Variants in GBE1 observed in about 807,000 individuals in gnomAD.
GBE1 encodes the protein 1,4-alpha-glucan branching enzyme 1, also known as 1,4-alpha-glucan-branching enzyme.
Under a neutral mutation model 88.8 loss-of-function variants are expected in GBE1, and 70 were observed. The observed-to-expected ratio is 0.79, with a 90% CI of 0.65 to 0.96. The LOEUF is 0.96. Ranked by LOEUF, GBE1 falls within the 40% of genes least tolerant of loss-of-function variation. GBE1 has a pLI of 0.00. For synonymous variants in GBE1, 284 were observed against 300.1 expected, an observed-to-expected ratio of 0.95 and a Z score of 0.56; for missense variants, 872 against 871.0, an observed-to-expected ratio of 1.00 and a Z score of -0.01.
intron 12 of GBE1, among the ~76,000 whole-genome samples, chr3:81,553,947 A>C (rs1039049703): frequency 6.6e-6 from 1 of 152,160 alleles, no homozygotes; most frequent in Admixed American, 6.5e-5. Context: ...AAAATAAATA[A>C]TAAAAATATA....
intron 1 of GBE1, among the ~76,000 whole-genome samples, chr3:81,712,538 T>A (rs1486890355): frequency 1.3e-5 from 2 of 151,272 alleles, no homozygotes; most frequent in Non-Finnish European, 2.9e-5. Flanking sequence ...CTCAGCAAAC[T>A]ATCACAAGGA....
intron 10 of GBE1, among the ~76,000 whole-genome samples, chr3:81,582,447 T>C (rs1703745040): frequency 6.6e-6 from 1 of 152,172 alleles, no homozygotes; most frequent in Non-Finnish European, 1.5e-5. Context: ...CAGCCCTGTT[T>C]ACACTTTGAT....
rs547810234 is a variant in GBE1, at chr3:81,712,794, TAATAAA to T, written c.144-7187_144-7182del. Among the ~76,000 whole-genome samples, 1,373 of 151,482 alleles carry T rather than the reference TAATAAA, an allele frequency of 9.1e-3. 22 individuals are homozygous for T. The highest frequency in any genetic ancestry group is 0.031 in the African/African-American group (1,288 of 41,092). On this transcript the variant is annotated intron_variant, in intron 1 of 15. Coordinates refer to ENST00000429644, the MANE Select transcript of GBE1 (RefSeq NM_000158.4). ...CACATATACCCTAGAACTTAAAGTA[TAATAAA>T]AATAAATAAATAAATAAATAAATAA...
At chr3:81,498,623 G>C (rs1702545669) in intron 15 of GBE1, among the ~76,000 whole-genome samples, 1 of 152,074 alleles carries the variant, frequency 6.6e-6, no homozygotes, top group South Asian at 2.1e-4. Flanking sequence ...TTTATAACTA[G>C]AATGAATTCA....
intron 14 of GBE1, among the ~76,000 whole-genome samples, chr3:81,501,879 C>T (rs1452515119): frequency 1.3e-5 from 2 of 150,692 alleles, no homozygotes; most frequent in Admixed American, 1.3e-4. Context: ...TTATATTTTT[C>T]GTAGAGATGG....
At chr3:81,653,991 T>C (rs1421106675) in intron 3 of GBE1, among the ~76,000 whole-genome samples, 1 of 152,132 alleles carries the variant, frequency 6.6e-6, no homozygotes, top group Non-Finnish European at 1.5e-5. Context: ...GGTGTACATC[T>C]TGCGTACCTT....
At chr3:81,592,212 T>C (rs1297827210) in intron 8 of GBE1, among the ~76,000 whole-genome samples, 1 of 152,074 alleles carries the variant, frequency 6.6e-6, no homozygotes, top group African/African-American at 2.4e-5. Flanking sequence ...AGTAATATTA[T>C]TAACTATAGT....
At chr3:81,594,486 A>G (rs945965909) in intron 7 of GBE1, among the ~76,000 whole-genome samples, 1 of 152,202 alleles carries the variant, frequency 6.6e-6, no homozygotes. Flanking sequence ...TTTCATTATC[A>G]GTAGAAAAAG....
intron 7 of GBE1, chr3:81,612,220 T>TAA (rs11404629): frequency 0.064 from 15,209 of 237,774 alleles, 198 homozygotes; most frequent in African/African-American, 0.095. Flanking sequence ...CACGCTCCTT[T>TAA]AAAAAAAAAA....
Position 81,490,012 on chromosome 3 carries a change from T to C in GBE1, c.*395A>G, listed in dbSNP as rs138608612. On this transcript the variant is annotated 3_prime_UTR_variant, in exon 16 of 16. Transcript: ENST00000429644. ...TTAGACCAAAAGATATCAGAACAAA[T>C]AGAGCCACCAAATATCCATCTTAAA... 8.3e-5 allele frequency: 14 copies of C among 168,886 alleles called. No individual in the cohort carries two copies. The East Asian group carries it at 2.5e-3, about 31-fold the overall frequency. The allele number at this position is 168,886 out of a possible 1,614,324, so 10.5% of individuals were successfully genotyped here.
At chr3:81,706,437 A>G (rs1006827288) in intron 1 of GBE1, among the ~76,000 whole-genome samples, 1 of 152,162 alleles carries the variant, frequency 6.6e-6, no homozygotes, top group African/African-American at 2.4e-5. Flanking sequence ...CCCTATATCC[A>G]GTAAGAAACA....
chr3:81,702,248 T>C (rs563860345), intron 2 of GBE1, among the ~76,000 whole-genome samples: 242 of 151,692 alleles, frequency 1.6e-3, no homozygotes, highest in Non-Finnish European at 2.6e-3. Context: ...AAAGTCATAC[T>C]GACCCACGTG....
At chr3:81,569,906 C>T (rs1466540531) in intron 12 of GBE1, among the ~76,000 whole-genome samples, 1 of 152,030 alleles carries the variant, frequency 6.6e-6, no homozygotes, top group African/African-American at 2.4e-5. Flanking sequence ...CCTCCACCTC[C>T]CAGGTTCAAG....
intron 15 of GBE1, among the ~76,000 whole-genome samples, chr3:81,491,238 T>C (rs1702432228): frequency 6.6e-6 from 1 of 152,216 alleles, no homozygotes; most frequent in African/African-American, 2.4e-5. Flanking sequence ...CAACCCTAGA[T>C]ATGATAAGTT....
intron 1 of GBE1, among the ~76,000 whole-genome samples, chr3:81,736,360 A>T (rs1456301407): frequency 6.6e-6 from 1 of 152,218 alleles, no homozygotes; most frequent in Non-Finnish European, 1.5e-5. Flanking sequence ...TCAAATAACC[A>T]GGCAAATTGC....
At chr3:81,497,450 A>G (rs7627081) in intron 15 of GBE1, among the ~76,000 whole-genome samples, 24,313 of 152,130 alleles carry the variant, frequency 0.16, 2,028 homozygotes, top group Non-Finnish European at 0.2. Flanking sequence ...CTTCCTAAGA[A>G]TCTCTTGCTG....
intron 7 of GBE1, among the ~76,000 whole-genome samples, chr3:81,623,063 C>A (rs955613779): frequency 3.3e-5 from 5 of 152,134 alleles, no homozygotes; most frequent in African/African-American, 1.2e-4. Context: ...CTGATCCAAA[C>A]CTTTTAAAAG....
At chr3:81,659,165 A>G (rs1362976228) in intron 3 of GBE1, among the ~76,000 whole-genome samples, 1 of 152,140 alleles carries the variant, frequency 6.6e-6, no homozygotes, top group African/African-American at 2.4e-5. Context: ...GCCAATAAAA[A>G]AAAATCTAAG....
At chr3:81,577,888 T>C in intron 12 of GBE1, 37 bp downstream of exon 12, 1 of 1,521,964 alleles carries the variant, frequency 6.6e-7, no homozygotes, top group Non-Finnish European at 8.8e-7. Context: ...GTTAACATTT[T>C]AAACACAAAT....
Sources: gnomAD v4.1 joint callset for allele counts (sites outside exome capture counted in the v4.1 genomes callset) on GRCh38, gnomAD v4.1.1 for gene constraint, MANE v1.5 for transcripts, NCBI Gene and HGNC (gene_info 2026-07-23, HGNC 2026-07-21) for gene names.